Variants in ARHGEF2 observed in about 807,000 individuals in gnomAD.
The protein encoded by ARHGEF2 is rho guanine nucleotide exchange factor 2.
Under a neutral mutation model 121.0 loss-of-function variants are expected in ARHGEF2, and 22 were observed. The observed-to-expected ratio is 0.18, with a 90% confidence interval of 0.13 to 0.26. The LOEUF (loss-of-function observed/expected upper bound fraction) is 0.26. ARHGEF2 is among the 10% of genes least tolerant of loss of function. The pLI is 1.00. For synonymous variants in ARHGEF2, 487 were observed against 530.0 expected (o/e 0.92, Z 1.11); for missense variants, 907 against 1,336.0 (o/e 0.68, Z 5.01).
intron 1 of ARHGEF2, among the ~76,000 whole-genome samples, chr1:155,977,844 GGGT>G (rs1293688926): frequency 6.6e-6 from 1 of 152,138 alleles, no homozygotes; most frequent in South Asian, 2.1e-4. Flanking sequence ...TGTCTTGGAG[GGGT>G]GGTGGTGGTG....
chr1:155,964,165 AAAATATATAT>A (rs1678703666), intron 7 of ARHGEF2, among the ~76,000 whole-genome samples: 10 of 93,048 alleles, frequency 1.1e-4, no homozygotes, highest in African/African-American at 1.1e-4. Flanking sequence ...AAAAAAAAAA[AAAATATATAT>A]ATATATATAT....
Position 155,957,777 on chromosome 1 carries a change from C to A in ARHGEF2, c.1651G>T (p.Val551Leu). Residue 551 changes from valine to leucine, a missense_variant, in exon 13 of 22, where the codon GTG (valine) becomes TTG (leucine). Physicochemically the swap from Val to Leu is conservative, Grantham distance 32. This residue lies in a region of ARHGEF2 where 475 missense variants were observed against 776.5 expected (regional missense o/e 0.61). Coordinates refer to ENST00000361247, the MANE Select transcript of ARHGEF2 (RefSeq NM_001162383.2). Reference sequence around the variant, plus strand: ...CGGTCATCCCGGGATGCTGTGTGCACCTCGTACATCTCAGGTGGGGCTGCG... The same window carrying A: ...CGGTCATCCCGGGATGCTGTGTGCAACTCGTACATCTCAGGTGGGGCTGCG... ...ISAAPPEMYE[V>L]HTASRDDRST... 1.2e-6 allele frequency: 2 copies of A among 1,614,216 alleles called. No individual in the cohort carries two copies. The highest frequency in any genetic ancestry group is 1.7e-6 in the Non-Finnish European group (2 of 1,180,044).
intron 2 of ARHGEF2, 27 bp downstream of exon 2, chr1:155,969,129 G>C (rs774480812): frequency 1.2e-6 from 2 of 1,612,930 alleles, no homozygotes; most frequent in Non-Finnish European, 1.7e-6. Context: ...CCGAGTCTGG[G>C]TGACTCTCAG....
At chr1:155,966,770 G>T (rs376528394) in intron 3 of ARHGEF2, 50 bp downstream of exon 3, 2 of 1,514,106 alleles carry the variant, frequency 1.3e-6, no homozygotes, top group Admixed American at 1.7e-5. Flanking sequence ...TGAGGGTACC[G>T]CACACTCACT....
At chr1:155,970,686 G>A (rs1680283724) in intron 1 of ARHGEF2, 3 of 986,000 alleles carry the variant, frequency 3.0e-6, no homozygotes, top group Non-Finnish European at 3.6e-6. Flanking sequence ...CAGCTGAGAG[G>A]TGGAGGAGGG....
chr1:155,969,358 G>A, intron 1 of ARHGEF2, 58 bp from the exon 2 acceptor site: 1 of 1,603,600 alleles, frequency 6.2e-7, no homozygotes, highest in Non-Finnish European at 8.5e-7. Flanking sequence ...GGTGCCTGGA[G>A]TCCAGAGAGA....
chr1:155,961,253 C>T lies in ARHGEF2; in HGVS notation c.1468+408G>A, dbSNP rs949649417. ...CCACTGAGTCTCACTGTTGTATGGGCTGCATAAAGGGAGGTTGATTCTTTT... is the reference window on the plus strand; with the variant it reads ...CCACTGAGTCTCACTGTTGTATGGGTTGCATAAAGGGAGGTTGATTCTTTT... On this transcript the variant is annotated intron_variant, in intron 11 of 21. Coordinates refer to ENST00000361247, the MANE Select transcript of ARHGEF2 (RefSeq NM_001162383.2). The surrounding 1 kb of genome is among the most constrained non-coding windows in gnomAD (Gnocchi z 4.7). Among the ~76,000 whole-genome samples the T allele has an allele frequency of 4.0e-5, 6 of 151,530 alleles. No individual in the cohort carries two copies. The East Asian group carries it at 5.8e-4, about 15-fold the overall frequency.
Position 155,978,323 on chromosome 1 carries a change from AC to A in ARHGEF2, c.63+41del. The A allele has an allele frequency of 6.9e-7, 1 of 1,443,754 alleles. No individual in the cohort carries two copies. Among genetic ancestry groups the A allele is most frequent in the Non-Finnish European group, 9.3e-7 (1 of 1,077,872 alleles). The allele number at this position is 1,443,754 out of a possible 1,614,324, so 89.4% of individuals were successfully genotyped here. A position where few individuals can be genotyped will look rare whatever the true frequency, so the allele number is the denominator to read the frequency against. ...CCGCGGGTGCCGGGGTTCGGGGAGC[AC>A]CCGAGGACCGCGGCGAAAGGAGAGG... On this transcript the variant is annotated intron_variant, in intron 1 of 21. Coordinates refer to ENST00000361247, the MANE Select transcript of ARHGEF2 (RefSeq NM_001162383.2). This position sits in a 1 kb window ranked among gnomAD's most constrained non-coding sequence, Gnocchi z 4.1.
chr1:155,962,016 C>A lies in ARHGEF2; in HGVS notation c.1219+89G>T. On this transcript the variant is annotated intron_variant, in intron 10 of 21. Transcript: ENST00000361247. This position sits in a 1 kb window ranked among gnomAD's most constrained non-coding sequence, Gnocchi z 5.8. ...TAGAGGCTGCCCAGGGTTTCACACC[C>A]GACCCCACCCTTCCTGTGGTCATAC... 6.2e-7 allele frequency: 1 copy of A among 1,601,438 alleles called. No individual in the cohort carries two copies. The highest frequency in any genetic ancestry group is 8.5e-7 in the Non-Finnish European group (1 of 1,170,998).
chr1:155,966,569 G>A, intron 3 of ARHGEF2, 90 bp from the exon 4 acceptor site: 3 of 1,415,660 alleles, frequency 2.1e-6, no homozygotes, highest in South Asian at 2.3e-5. Flanking sequence ...TAGGTGGCCG[G>A]CCCCCTTAGG....
intron 1 of ARHGEF2, among the ~76,000 whole-genome samples, chr1:155,972,711 T>G (rs904150945): frequency 1.7e-4 from 26 of 151,606 alleles, no homozygotes; most frequent in African/African-American, 6.0e-4. Flanking sequence ...TTTTTTTCTT[T>G]TTTTTTTTGA....
intron 1 of ARHGEF2, among the ~76,000 whole-genome samples, chr1:155,971,920 C>A (rs1045082332): frequency 2.6e-5 from 4 of 151,394 alleles, no homozygotes; most frequent in Non-Finnish European, 5.9e-5. Flanking sequence ...TATATACACA[C>A]ATAAGTAAAA....
At chr1:155,972,132 G>C (rs1680586245) in intron 1 of ARHGEF2, 1 of 382,232 alleles carries the variant, frequency 2.6e-6, no homozygotes, top group Non-Finnish European at 5.4e-6. Context: ...GTGGCAAAGG[G>C]AGGGAGAAGA....
chr1:155,957,943 C>T (rs960031771), intron 12 of ARHGEF2, 61 bp from the exon 13 acceptor site: 2 of 1,525,130 alleles, frequency 1.3e-6, no homozygotes, highest in Non-Finnish European at 1.8e-6. Context: ...CATATTTAGG[C>T]CTTCAATCCT....
In ARHGEF2 at chr1:155,962,650, G is replaced by A. The variant is rs1206946960; in HGVS notation, c.1044C>T (p.Ala348=). 3.7e-6 allele frequency: 6 copies of A among 1,614,042 alleles called. No homozygotes were observed. The highest frequency in any genetic ancestry group is 1.3e-5 in the African/African-American group (1 of 74,914). ...YSEFCSRHSK[A]LKLYKELYAR... is the part of the protein sequence containing the mutation. ...CGTACAGCTCCTTATAGAGCTTTAA[G>A]GCCTTGCTGTGGCGGCTGCAGAACT... The change falls in exon 9 of 22, where the codon GCC becomes GCT. Residue 348 remains alanine, a synonymous_variant. Coordinates refer to ENST00000361247, the MANE Select transcript of ARHGEF2 (RefSeq NM_001162383.2). This position sits in a 1 kb window ranked among gnomAD's most constrained non-coding sequence, Gnocchi z 5.8.
chr1:155,972,619 C>T (rs1002282174), intron 1 of ARHGEF2, among the ~76,000 whole-genome samples: 1 of 152,080 alleles, frequency 6.6e-6, no homozygotes, highest in African/African-American at 2.4e-5. Flanking sequence ...CCCATTACTC[C>T]ACAATCCATA....
chr1:155,948,254 T>G (rs1314891638), intron 21 of ARHGEF2, among the ~76,000 whole-genome samples: 1 of 152,200 alleles, frequency 6.6e-6, no homozygotes, highest in Non-Finnish European at 1.5e-5. Context: ...ATTAGGAAAA[T>G]ACAAAATACT....
chr1:155,969,491 T>C, intron 1 of ARHGEF2, 191 bp from the exon 2 acceptor site: 4 of 1,422,342 alleles, frequency 2.8e-6, no homozygotes, highest in Non-Finnish European at 2.8e-6. Context: ...CAGGCCAGGC[T>C]CTGGGGCAGC....
rs958268371 is a variant in ARHGEF2, at chr1:155,969,588, T to C, written c.64-288A>G. ...TGCCACTCATCTCCCTGGCTCTAGG[T>C]CTCTGCGTCCTCACTCCACCTTCCC... On this transcript the variant is annotated intron_variant, in intron 1 of 21. Transcript: ENST00000361247. 1.1e-4 allele frequency: 135 copies of C among 1,266,048 alleles called. No individual in the cohort carries two copies. In the African/African-American group the frequency reaches 1.9e-3, roughly 18 times the overall value. The allele number at this position is 1,266,048 out of a possible 1,614,324, so 78.4% of individuals were successfully genotyped here.
Sources: gnomAD v4.1 joint callset for allele counts (sites outside exome capture counted in the v4.1 genomes callset) on GRCh38, gnomAD v4.1.1 for gene constraint, gnomAD v4.1.1 regional missense constraint, Gnocchi (gnomAD v3.1) non-coding constraint, MANE v1.5 for transcripts, NCBI Gene and HGNC (gene_info 2026-07-23, HGNC 2026-07-21) for gene names.